ADCY2: variants seen among roughly 807,000 people sequenced by gnomAD.
The protein encoded by ADCY2 is adenylate cyclase 2, also known as adenylate cyclase type 2.
Under a neutral mutation model 125.2 loss-of-function variants are expected in ADCY2, and 31 were observed. That is an observed-to-expected ratio of 0.25 (90% CI 0.19 to 0.33). The LOEUF (loss-of-function observed/expected upper bound fraction) is 0.33. Among genes scored for constraint, ADCY2 ranks in the 10% least tolerant of loss-of-function variants. The pLI, the probability that ADCY2 is intolerant of heterozygous loss-of-function variation, is 1.00. For missense variants in ADCY2, 904 were observed against 1,418.2 expected, an observed-to-expected ratio of 0.64 and a Z score of 5.82; for synonymous variants, 512 against 548.4, an observed-to-expected ratio of 0.93 and a Z score of 0.93.
chr5:7,490,117 G>A (rs1743105238), intron 2 of ADCY2, among the ~76,000 whole-genome samples: 2 of 151,824 alleles, frequency 1.3e-5, no homozygotes, highest in Admixed American at 6.6e-5. Context: ...GTGATTGGAG[G>A]TTCATTATTA....
At chr5:7,620,938 T>C (rs978620319) in intron 3 of ADCY2, among the ~76,000 whole-genome samples, 1 of 151,944 alleles carries the variant, frequency 6.6e-6, no homozygotes, top group African/African-American at 2.4e-5. Context: ...ATTTCCCTCA[T>C]TACCAGGAGC....
chr5:7,674,187 T>A (rs1740039186), intron 4 of ADCY2, among the ~76,000 whole-genome samples: 2 of 152,128 alleles, frequency 1.3e-5, no homozygotes, highest in African/African-American at 4.8e-5. Flanking sequence ...CGTGGTGAGG[T>A]TGTTTTCTGC....
At chr5:7,700,784 C>T (rs1345196260) in intron 7 of ADCY2, among the ~76,000 whole-genome samples, 2 of 140,632 alleles carry the variant, frequency 1.4e-5, no homozygotes, top group African/African-American at 5.3e-5. Flanking sequence ...TGGAGAGACC[C>T]GCATGTTCCA....
intron 1 of ADCY2, among the ~76,000 whole-genome samples, chr5:7,413,460 A>AT (rs556822915): frequency 0.17 from 25,573 of 147,662 alleles, 2,345 homozygotes; most frequent in Non-Finnish European, 0.21. Context: ...CGCGCGGCTA[A>AT]TTTTTTTTTT....
intron 19 of ADCY2, among the ~76,000 whole-genome samples, chr5:7,788,421 C>A (rs1744150944): frequency 1.3e-5 from 2 of 152,134 alleles, no homozygotes; most frequent in South Asian, 2.1e-4. Flanking sequence ...CTCAAGTGAC[C>A]CACCCACCTT....
intron 3 of ADCY2, among the ~76,000 whole-genome samples, chr5:7,570,318 A>G (rs900960402): frequency 2.0e-5 from 3 of 152,190 alleles, no homozygotes; most frequent in Admixed American, 6.6e-5. Context: ...AGAAACTTAA[A>G]TGGACCAACT....
chr5:7,602,917 T>C (rs899187652), intron 3 of ADCY2, among the ~76,000 whole-genome samples: 2 of 152,140 alleles, frequency 1.3e-5, no homozygotes, highest in Non-Finnish European at 2.9e-5. Flanking sequence ...ATTTATTTGC[T>C]TCACATAAAA....
intron 4 of ADCY2, among the ~76,000 whole-genome samples, chr5:7,660,292 GAA>G (rs1561150960): frequency 7.3e-5 from 11 of 151,406 alleles, no homozygotes; most frequent in African/African-American, 2.2e-4. Context: ...AGGAAGGAAG[GAA>G]GGAAGGACTG....
At chr5:7,476,129 T>C (rs1371828872) in intron 2 of ADCY2, among the ~76,000 whole-genome samples, 1 of 152,166 alleles carries the variant, frequency 6.6e-6, no homozygotes, top group Admixed American at 6.5e-5. Flanking sequence ...AAAGTACTTC[T>C]TGAAAACCCA....
At chr5:7,750,376 A>G (rs1742769834) in intron 15 of ADCY2, among the ~76,000 whole-genome samples, 1 of 152,164 alleles carries the variant, frequency 6.6e-6, no homozygotes, top group Non-Finnish European at 1.5e-5. Flanking sequence ...CCATGCTCTG[A>G]GTCTGGTAAT....
chr5:7,703,932 A>G (rs1250479051), intron 7 of ADCY2, among the ~76,000 whole-genome samples: 1 of 151,268 alleles, frequency 6.6e-6, no homozygotes, highest in Non-Finnish European at 1.5e-5. Flanking sequence ...AACCCAGGAG[A>G]TGGAAGTTGC....
chr5:7,646,459 T>A (rs933986053), intron 4 of ADCY2, among the ~76,000 whole-genome samples: 2 of 152,116 alleles, frequency 1.3e-5, no homozygotes, highest in Non-Finnish European at 2.9e-5. Context: ...TTTATATTCA[T>A]CAAAGAGGAT....
chr5:7,736,826 T>C (rs1037866519), intron 14 of ADCY2, among the ~76,000 whole-genome samples: 3 of 152,180 alleles, frequency 2.0e-5, no homozygotes, highest in Non-Finnish European at 2.9e-5. Flanking sequence ...ATAAACCTTA[T>C]GATTTGTTAG....
intron 3 of ADCY2, among the ~76,000 whole-genome samples, chr5:7,540,157 C>T (rs996079631): frequency 3.9e-5 from 6 of 152,242 alleles, no homozygotes; most frequent in African/African-American, 1.4e-4. Context: ...TAGAGGGAAA[C>T]AACACACACT....
intron 14 of ADCY2, among the ~76,000 whole-genome samples, chr5:7,734,488 A>C (rs942802790): frequency 6.6e-6 from 1 of 152,210 alleles, no homozygotes; most frequent in Admixed American, 6.5e-5. Flanking sequence ...GTCAAAAATG[A>C]ACACTAAAAG....
Position 7,467,234 on chromosome 5 carries a change from C to A in ADCY2, c.408+52464C>A, listed in dbSNP as rs116923445. On this transcript the variant is annotated intron_variant, in intron 2 of 24. Coordinates refer to ENST00000338316, the MANE Select transcript of ADCY2 (RefSeq NM_020546.3). ...ATCTTGCCTCTTAAAACAACAATGA[C>A]AACAAACAGGTTCATAACTTACAGA... is the stretch of plus-strand genomic sequence containing the variant. Among the ~76,000 whole-genome samples the A allele has an allele frequency of 3.3e-5, 5 of 152,296 alleles. No individual in the cohort carries two copies. In the East Asian group the frequency reaches 7.7e-4, roughly 24 times the overall value.
chr5:7,734,491 AC>A (rs1742190680), intron 14 of ADCY2, among the ~76,000 whole-genome samples: 1 of 152,218 alleles, frequency 6.6e-6, no homozygotes, highest in East Asian at 1.9e-4. Flanking sequence ...AAAAATGAAC[AC>A]TAAAAGTAAT....
At chr5:7,766,866 A>G (rs1407110791) in intron 17 of ADCY2, 60 bp downstream of exon 17, 60 of 1,561,456 alleles carry the variant, frequency 3.8e-5, no homozygotes, top group South Asian at 1.2e-5. Context: ...TAGTCTGTAT[A>G]ACATATATCC....
At chr5:7,671,822 G>A (rs1310770230) in intron 4 of ADCY2, among the ~76,000 whole-genome samples, 1 of 152,002 alleles carries the variant, frequency 6.6e-6, no homozygotes, top group Non-Finnish European at 1.5e-5. Context: ...ACATGTTGTA[G>A]AAGTATTGAC....
Sources: gnomAD v4.1 joint callset for allele counts (sites outside exome capture counted in the v4.1 genomes callset) on GRCh38, gnomAD v4.1.1 for gene constraint, MANE v1.5 for transcripts, NCBI Gene and HGNC (gene_info 2026-07-23, HGNC 2026-07-21) for gene names.